The following SREBF2 variants were observed in gnomAD, a reference collection of about 807,000 sequenced individuals.
SREBF2 encodes the protein sterol regulatory element binding transcription factor 2.
In SREBF2, 55 loss-of-function variants were observed where a neutral mutation model predicts 113.1. That is an observed-to-expected ratio of 0.49 (90% CI 0.39 to 0.61). The LOEUF is 0.61. Among genes scored for constraint, SREBF2 ranks in the 20% least tolerant of loss-of-function variants. The probability of loss-of-function intolerance (pLI) is 0.00; values close to 1 mark genes in which losing one functional copy is unlikely to be tolerated. For synonymous variants in SREBF2, 593 were observed against 605.7 expected, an observed-to-expected ratio of 0.98 and a Z score of 0.31; for missense variants, 1,349 against 1,487.4, an observed-to-expected ratio of 0.91 and a Z score of 1.53.
Position 41,833,111 on chromosome 22 carries a change from G to T in SREBF2, c.-160G>T. On this transcript the variant is annotated 5_prime_UTR_variant, in exon 1 of 19. Transcript: ENST00000361204. The surrounding 1 kb of genome is among the most constrained non-coding windows in gnomAD (Gnocchi z 4.1). ...GGGGGAATCCCGCCCCGCCCTTTCT[G>T]TGCGGCGCCCGGGCGCAACGCAAAC... is the stretch of plus-strand genomic sequence containing the variant. 1.9e-6 allele frequency: 1 copy of T among 530,056 alleles called. No individual in the cohort carries two copies. Among genetic ancestry groups the T allele is most frequent in the Non-Finnish European group, 3.2e-6 (1 of 317,180 alleles). The allele number at this position is 530,056 out of a possible 1,614,324, so 32.8% of individuals were successfully genotyped here.
At chr22:41,900,866 G>A in intron 16 of SREBF2, 1 of 508,762 alleles carries the variant, frequency 2.0e-6, no homozygotes, top group Admixed American at 2.2e-5. Flanking sequence ...GTGGGTTCCT[G>A]CCCCCTCGGG....
At chr22:41,841,978 T>C (rs1384295546) in intron 1 of SREBF2, among the ~76,000 whole-genome samples, 1 of 152,194 alleles carries the variant, frequency 6.6e-6, no homozygotes, top group Non-Finnish European at 1.5e-5. Context: ...ACAAGTCACT[T>C]GGGAGTTTGT....
At chr22:41,887,906 T>C (rs903458289) in intron 11 of SREBF2, among the ~76,000 whole-genome samples, 6 of 152,262 alleles carry the variant, frequency 3.9e-5, no homozygotes, top group African/African-American at 1.4e-4. Context: ...ATTAATGAGA[T>C]TGAGCACCTC....
rs544726424 is a variant in SREBF2 at position 41,858,076 on chromosome 22, A to T, written c.89-8755A>T. ...TTTTAAATAATTATTAGAAAAAAAC[A>T]TTGTGGGTGGGGAGATAGGATCATT... On this transcript the variant is annotated intron_variant, in intron 1 of 18. Coordinates refer to ENST00000361204, the MANE Select transcript of SREBF2 (RefSeq NM_004599.4). Among the ~76,000 whole-genome samples the T allele has an allele frequency of 3.7e-4, 57 of 152,352 alleles. 2 individuals are homozygous for T. In the South Asian group the frequency reaches 0.011, roughly 29 times the overall value.
chr22:41,867,813 GAAA>G (rs527717029), intron 2 of SREBF2, among the ~76,000 whole-genome samples: 1 of 144,818 alleles, frequency 6.9e-6, no homozygotes, highest in Non-Finnish European at 1.5e-5. Context: ...ATCTTAAAAA[GAAA>G]AAAAAAAATC....
intron 13 of SREBF2, among the ~76,000 whole-genome samples, chr22:41,895,758 C>T (rs1466791058): frequency 6.6e-6 from 1 of 151,996 alleles, no homozygotes; most frequent in Non-Finnish European, 1.5e-5. Flanking sequence ...TTTATGTATC[C>T]CTTTACCAAG....
In SREBF2 at chr22:41,875,421, A is replaced by T. The variant is rs771861764; in HGVS notation, c.1174A>T (p.Met392Leu). ...CAATCATAAACTGCGCCAGGAGAACATGGTGCTGAAGCTGGCAAATCAAAA... is the reference window on the plus strand; with the variant it reads ...CAATCATAAACTGCGCCAGGAGAACTTGGTGCTGAAGCTGGCAAATCAAAA... ...QVNHKLRQEN[M>L]VLKLANQKNK... Residue 392 changes from methionine to leucine, a missense_variant, in exon 6 of 19, where the codon ATG (methionine) becomes TTG (leucine). By Grantham distance (15) the Met-to-Leu change is conservative. Transcript: ENST00000361204. 4 of 1,614,136 alleles carry T rather than the reference A, an allele frequency of 2.5e-6. No homozygotes were observed. Among genetic ancestry groups the T allele is most frequent in the Non-Finnish European group, 3.4e-6 (4 of 1,180,060 alleles).
intron 10 of SREBF2, 99 bp from the exon 11 acceptor site, chr22:41,884,743 C>G: frequency 7.6e-7 from 1 of 1,319,406 alleles, no homozygotes; most frequent in Middle Eastern, 2.0e-4. Context: ...CCTCGCTTCT[C>G]CCCTGGTTCC....
Position 41,903,000 on chromosome 22 carries a change from C to A in SREBF2, c.2938C>A (p.Leu980Met), listed in dbSNP as rs895718128. 1 of 1,611,796 alleles carries A rather than the reference C, an allele frequency of 6.2e-7. No individual in the cohort carries two copies. The highest frequency in any genetic ancestry group is 1.7e-5 in the Admixed American group (1 of 59,830). ...CCAGCTGCTCACCTGTGACCTGCTA[C>A]TGTCGCTACGGACAGCGCTCTGGCA... ...VVQLLTCDLL[L>M]SLRTALWQKQ... is the part of the protein sequence containing the mutation. Residue 980 changes from leucine (L) to methionine (M), a missense_variant, in exon 17 of 19, where the codon CTG becomes ATG. Around this residue, in one of 2 missense-constraint regions of SREBF2, gnomAD observed 650 missense variants for 644.1 expected, o/e 1.01. Coordinates refer to ENST00000361204, the MANE Select transcript of SREBF2 (RefSeq NM_004599.4).
At chr22:41,839,250 G>A (rs1156378769) in intron 1 of SREBF2, among the ~76,000 whole-genome samples, 3 of 152,268 alleles carry the variant, frequency 2.0e-5, no homozygotes, top group East Asian at 3.9e-4. Context: ...TATCTTAATT[G>A]TGCTGAAATT....
intron 1 of SREBF2, among the ~76,000 whole-genome samples, chr22:41,848,227 A>C (rs1233068012): frequency 6.6e-6 from 1 of 151,982 alleles, no homozygotes; most frequent in Non-Finnish European, 1.5e-5. Flanking sequence ...CATTAGGTAT[A>C]TCTCCCAATG....
In SREBF2 at chr22:41,867,187, A is replaced by G. The variant is rs771519968; in HGVS notation, c.445A>G (p.Thr149Ala). The G allele has an allele frequency of 6.2e-7, 1 of 1,614,178 alleles. No homozygotes were observed. The change falls in exon 2 of 19, where the codon ACG (threonine) becomes GCG (alanine). Residue 149 changes from threonine to alanine, a missense_variant. By Grantham distance (58) the Thr-to-Ala change is moderately conservative (BLOSUM62 0). Around this residue, in one of 2 missense-constraint regions of SREBF2, gnomAD observed 699 missense variants for 843.3 expected, o/e 0.83. Coordinates refer to ENST00000361204, the MANE Select transcript of SREBF2 (RefSeq NM_004599.4). ...PQPQTQLQQQTVMITPTFSTT... is the reference protein window; with the variant it reads ...PQPQTQLQQQAVMITPTFSTT... ...ACCTCAAACTCAGCTGCAACAACAGACGGTAATGATCACGCCAACATTCAG... is the reference window on the plus strand; with the variant it reads ...ACCTCAAACTCAGCTGCAACAACAGGCGGTAATGATCACGCCAACATTCAG...
At chr22:41,867,341 A>T in intron 2 of SREBF2, 61 bp downstream of exon 2, 1 of 1,555,844 alleles carries the variant, frequency 6.4e-7, no homozygotes, top group East Asian at 2.2e-5. Flanking sequence ...GCCAGTTTGC[A>T]GACACTGTAA....
chr22:41,895,070 T>C (rs2077400305), intron 13 of SREBF2, 133 bp downstream of exon 13: 1 of 722,536 alleles, frequency 1.4e-6, no homozygotes, highest in Non-Finnish European at 2.5e-6. Context: ...ATGGTTCCTT[T>C]GTATTTAATT....
chr22:41,877,157 T>G, intron 7 of SREBF2, 72 bp from the exon 8 acceptor site: 1 of 1,407,162 alleles, frequency 7.1e-7, no homozygotes, highest in Non-Finnish European at 1.0e-6. Flanking sequence ...TCTCAATATA[T>G]ATATATGTAT....
At chr22:41,862,749 G>A (rs1255549799) in intron 1 of SREBF2, among the ~76,000 whole-genome samples, 1 of 152,204 alleles carries the variant, frequency 6.6e-6, no homozygotes, top group African/African-American at 2.4e-5. Flanking sequence ...TCCTGGAGAG[G>A]CTCTGCGTGC....
intron 16 of SREBF2, 117 bp from the exon 17 acceptor site, chr22:41,902,853 C>T: frequency 3.5e-6 from 4 of 1,158,340 alleles, no homozygotes; most frequent in Non-Finnish European, 3.8e-6. Context: ...TGGGGCTCTC[C>T]ACTTCCTCCC....
intron 7 of SREBF2, 90 bp downstream of exon 7, chr22:41,875,814 G>A (rs2077192659): frequency 9.7e-6 from 14 of 1,437,968 alleles, no homozygotes; most frequent in East Asian, 9.1e-5. Context: ...AGGCCAGGCC[G>A]CATGTTAAGA....
At chr22:41,904,407 C>G in intron 17 of SREBF2, 1 of 364,116 alleles carries the variant, frequency 2.7e-6, no homozygotes, top group Non-Finnish European at 5.5e-6. Flanking sequence ...AGACTTTACC[C>G]GCACACCTCT....
Sources: gnomAD v4.1 joint callset for allele counts (sites outside exome capture counted in the v4.1 genomes callset) on GRCh38, gnomAD v4.1.1 for gene constraint, gnomAD v4.1.1 regional missense constraint, Gnocchi (gnomAD v3.1) non-coding constraint, MANE v1.5 for transcripts, NCBI Gene and HGNC (gene_info 2026-07-23, HGNC 2026-07-21) for gene names.